Variants in SLC43A3 observed in about 807,000 individuals in gnomAD.
SLC43A3 encodes the protein equilibrative nucleobase transporter 1.
Under a neutral mutation model 53.3 loss-of-function variants are expected in SLC43A3, and 33 were observed. The ratio of observed to expected loss-of-function variants is 0.62; its 90% confidence interval spans 0.47 to 0.83. The LOEUF (loss-of-function observed/expected upper bound fraction) is 0.83. SLC43A3 is among the 40% of genes least tolerant of loss of function. The pLI is 0.00. For synonymous variants in SLC43A3, 236 were observed against 246.2 expected (o/e 0.96, Z 0.39); for missense variants, 530 against 610.0 (o/e 0.87, Z 1.38).
intron 8 of SLC43A3, 102 bp downstream of exon 8, chr11:57,417,646 C>T: frequency 7.4e-7 from 1 of 1,355,432 alleles, no homozygotes; most frequent in African/African-American, 1.4e-5. Flanking sequence ...AGATGCACTG[C>T]TCCAGTCCTC....
In SLC43A3 at chr11:57,410,131, C is replaced by T. The variant is rs1171774721; in HGVS notation, c.1061-10G>A. The T allele has an allele frequency of 1.9e-6, 3 of 1,576,900 alleles. No individual in the cohort carries two copies. In the African/African-American group the frequency reaches 4.1e-5, roughly 21 times the overall value. ...GCCAAAGTGGAGGAACCTGGGCGAA[C>T]AGAGAGGAAAAAGAAGCTCTCTGTA... On this transcript the variant is annotated splice_polypyrimidine_tract_variant and intron_variant, in intron 11 of 13. Transcript: ENST00000395124.
chr11:57,414,765 A>C (rs749581940), intron 10 of SLC43A3, 34 bp from the exon 11 acceptor site: 1 of 1,585,252 alleles, frequency 6.3e-7, no homozygotes, highest in South Asian at 1.1e-5. Context: ...GTTGATGAGA[A>C]GTTTCCAAAA....
chr11:57,426,351 T>A lies in SLC43A3; in HGVS notation c.-179A>T. 1.7e-6 allele frequency: 1 copy of A among 604,738 alleles called. No individual in the cohort carries two copies. Among genetic ancestry groups the A allele is most frequent in the Non-Finnish European group, 2.9e-6 (1 of 344,102 alleles). 37.5% of individuals were successfully genotyped at this position (604,738 alleles called of 1,614,324 possible). ...AACCATCAGCGGGTGATTCTCTGGA[T>A]CCTGTAGAATAAAGATAGAGGCTGC... is the stretch of plus-strand genomic sequence containing the variant. On this transcript the variant is annotated splice_region_variant and 5_prime_UTR_variant, in exon 3 of 14. Transcript: ENST00000395124.
chr11:57,418,761 G>A (rs757706378), intron 7 of SLC43A3, among the ~76,000 whole-genome samples: 18 of 151,742 alleles, frequency 1.2e-4, no homozygotes, highest in African/African-American at 1.2e-4. Context: ...ATGGTGGCAC[G>A]CACCTGTAAT....
chr11:57,412,994 C>T (rs1310598181), intron 11 of SLC43A3, among the ~76,000 whole-genome samples: 1 of 149,072 alleles, frequency 6.7e-6, no homozygotes, highest in Non-Finnish European at 1.5e-5. Context: ...AACAAGACAA[C>T]AGACACCAGG....
In SLC43A3 at chr11:57,407,998, C is replaced by T. The variant is rs898147908; in HGVS notation, c.1372-102G>A. Reference sequence around the variant, plus strand: ...GTCCATTCCATGACCAATGAAGGGACCAGAAGTCTACCGAGTTTATATTCT... The same window carrying T: ...GTCCATTCCATGACCAATGAAGGGATCAGAAGTCTACCGAGTTTATATTCT... On this transcript the variant is annotated intron_variant, in intron 13 of 13. Coordinates refer to ENST00000395124, the MANE Select transcript of SLC43A3 (RefSeq NM_199329.3). 7 of 739,642 alleles carry T rather than the reference C, an allele frequency of 9.5e-6. No homozygotes were observed. In the East Asian group the frequency reaches 1.8e-4, roughly 19 times the overall value. 45.8% of individuals were successfully genotyped at this position (739,642 alleles called of 1,614,324 possible).
chr11:57,426,280 G>T lies in SLC43A3; in HGVS notation c.-108C>A. 9.4e-7 allele frequency: 1 copy of T among 1,067,416 alleles called. No individual in the cohort carries two copies. The highest frequency in any genetic ancestry group is 1.3e-6 in the Non-Finnish European group (1 of 740,952). 66.1% of individuals were successfully genotyped at this position (1,067,416 alleles called of 1,614,324 possible). The stretch of plus-strand genomic sequence containing the variant: ...TTGGAAAATTCCTCTGGCAAGCCAA[G>T]CCCTTCCTTTCCCGTAGCTCTCTGG... On this transcript the variant is annotated 5_prime_UTR_variant, in exon 3 of 14. Coordinates refer to ENST00000395124, the MANE Select transcript of SLC43A3 (RefSeq NM_199329.3).
chr11:57,407,927 C>T (rs1414935238), intron 13 of SLC43A3, 31 bp from the exon 14 acceptor site: 1 of 1,459,948 alleles, frequency 6.8e-7, no homozygotes, highest in Non-Finnish European at 9.6e-7. Context: ...AGGTGAAATC[C>T]AGGAATTCTG....
chr11:57,418,313 A>G (rs369118662), intron 7 of SLC43A3, among the ~76,000 whole-genome samples: 25 of 152,142 alleles, frequency 1.6e-4, no homozygotes, highest in African/African-American at 6.0e-4. Flanking sequence ...CAGCCTGGAC[A>G]ATGAAACATG....
At chr11:57,424,987 AC>A (rs1045338496) in intron 4 of SLC43A3, among the ~76,000 whole-genome samples, 1 of 146,380 alleles carries the variant, frequency 6.8e-6, no homozygotes, top group African/African-American at 2.5e-5. Flanking sequence ...TGCACAGGAA[AC>A]CCCCCCAGTC....
intron 8 of SLC43A3, 41 bp from the exon 9 acceptor site, chr11:57,416,711 G>A: frequency 2.0e-6 from 3 of 1,488,922 alleles, no homozygotes; most frequent in Non-Finnish European, 2.8e-6. Flanking sequence ...CAAGGACTGT[G>A]AGCCGAACCT....
intron 5 of SLC43A3, among the ~76,000 whole-genome samples, 192 bp from the exon 6 acceptor site, chr11:57,421,565 C>T (rs1306506678): frequency 6.6e-6 from 1 of 152,188 alleles, no homozygotes; most frequent in Admixed American, 6.5e-5. Flanking sequence ...CTGTGGAAGT[C>T]TTCTGAGCCA....
chr11:57,407,691 G>T lies in SLC43A3; in HGVS notation c.*101C>A, dbSNP rs1233901876. ...TGTGTGTGTGTGTGTGTGTGTGTGT[G>T]TTTTGCTGGGATAGGCAAAGTCTTT... On this transcript the variant is annotated 3_prime_UTR_variant, in exon 14 of 14. Coordinates refer to ENST00000395124, the MANE Select transcript of SLC43A3 (RefSeq NM_199329.3). 5 of 656,670 alleles carry T rather than the reference G, an allele frequency of 7.6e-6. No individual in the cohort carries two copies. The highest frequency in any genetic ancestry group is 1.1e-5 in the Non-Finnish European group (4 of 360,356). The allele number at this position is 656,670 out of a possible 1,614,324, so 40.7% of individuals were successfully genotyped here.
chr11:57,407,542 G>A lies in SLC43A3; in HGVS notation c.*250C>T, dbSNP rs1203391678. The A allele has an allele frequency of 4.6e-6, 2 of 433,196 alleles. No homozygotes were observed. The highest frequency in any genetic ancestry group is 4.0e-5 in the Admixed American group (1 of 25,240). The allele number at this position is 433,196 out of a possible 1,614,324, so 26.8% of individuals were successfully genotyped here. A position where few individuals can be genotyped will look rare whatever the true frequency, so the allele number is the denominator to read the frequency against. On this transcript the variant is annotated 3_prime_UTR_variant, in exon 14 of 14. Transcript: ENST00000395124. ...AGGGTCTGCCAAGGCTAAGTGCAAG[G>A]AGACACTTCTGTTTTGAAATAAAGA...
chr11:57,420,370 C>T lies in SLC43A3; in HGVS notation c.531+602G>A, dbSNP rs541286732. The stretch of plus-strand genomic sequence containing the variant: ...GCTGACCTCCACCTATCACTAGCAA[C>T]GGGTAAATGGATTGCCATGGTTGGC... On this transcript the variant is annotated intron_variant, in intron 7 of 13. Coordinates refer to ENST00000395124, the MANE Select transcript of SLC43A3 (RefSeq NM_199329.3). Among the ~76,000 whole-genome samples the T allele has an allele frequency of 2.0e-4, 30 of 152,340 alleles. 1 individual carries two copies. The highest frequency in any genetic ancestry group is 5.5e-4 in the African/African-American group (23 of 41,584).
chr11:57,415,641 G>C (rs746505986), intron 9 of SLC43A3, among the ~76,000 whole-genome samples: 6 of 152,072 alleles, frequency 3.9e-5, no homozygotes, highest in Non-Finnish European at 5.9e-5. Flanking sequence ...CTCCTAACAA[G>C]GCAGACCGGC....
chr11:57,412,970 A>G (rs1372805631), intron 11 of SLC43A3, among the ~76,000 whole-genome samples: 2 of 151,952 alleles, frequency 1.3e-5, no homozygotes, highest in East Asian at 1.9e-4. Context: ...CCAGTTGATC[A>G]ATCTTAACAT....
intron 11 of SLC43A3, among the ~76,000 whole-genome samples, chr11:57,413,352 T>C (rs76454912): frequency 0.032 from 4,866 of 152,216 alleles, 273 homozygotes; most frequent in African/African-American, 0.11. Context: ...TTTGAAATGA[T>C]TGGAGGAATT....
chr11:57,417,890 G>A lies in SLC43A3; in HGVS notation c.532-3C>T. Reference sequence around the variant, plus strand: ...CTGATGCCTTTTTCATAAAGAAGCTGCAGAAGGAGAAGGAAAAAGTCAGTG... The same window carrying A: ...CTGATGCCTTTTTCATAAAGAAGCTACAGAAGGAGAAGGAAAAAGTCAGTG... On this transcript the variant is annotated splice_polypyrimidine_tract_variant and splice_region_variant and intron_variant, in intron 7 of 13. Coordinates refer to ENST00000395124, the MANE Select transcript of SLC43A3 (RefSeq NM_199329.3). 1.2e-6 allele frequency: 2 copies of A among 1,613,894 alleles called. No individual in the cohort carries two copies. Among genetic ancestry groups the A allele is most frequent in the East Asian group, 2.2e-5 (1 of 44,884 alleles).
Sources: allele counts gnomAD v4.1 joint callset (sites outside exome capture counted in the v4.1 genomes callset), GRCh38; gene constraint gnomAD v4.1.1; transcripts MANE v1.5; gene names NCBI Gene and HGNC (gene_info 2026-07-23, HGNC 2026-07-21).